The following PRR36 variants were observed in gnomAD, a reference collection of about 807,000 sequenced individuals.
PRR36 encodes proline rich 36.
In PRR36, 30 loss-of-function variants were observed where a neutral mutation model predicts 58.6. That is an observed-to-expected ratio of 0.51 (90% CI 0.38 to 0.69). PRR36 has a LOEUF of 0.69. PRR36 is among the 30% of genes least tolerant of loss of function. The pLI is 0.00. For synonymous variants in PRR36, 771 were observed against 829.3 expected, an observed-to-expected ratio of 0.93 and a Z score of 1.21; for missense variants, 1,692 against 1,805.6, an observed-to-expected ratio of 0.94 and a Z score of 1.14.
Position 7,873,328 on chromosome 19 carries a change from C to T in PRR36, c.272-29G>A, listed in dbSNP as rs1275978084. 1.3e-6 allele frequency: 2 copies of T among 1,523,914 alleles called. No individual in the cohort carries two copies. Among genetic ancestry groups the T allele is most frequent in the Non-Finnish European group, 1.8e-6 (2 of 1,139,826 alleles). The allele number at this position is 1,523,914 out of a possible 1,614,324, so 94.4% of individuals were successfully genotyped here. ...CGGGGAGAAGGCCGAGTCACAGGTG[C>T]CCCGGAGAGGTGGCAGTGGAGGTGA... On this transcript the variant is annotated intron_variant, in intron 2 of 5. Transcript: ENST00000618550. The surrounding 1 kb of genome is among the most constrained non-coding windows in gnomAD (Gnocchi z 5.0).
chr19:7,872,526 G>A lies in PRR36; in HGVS notation c.718C>T (p.Arg240Cys), dbSNP rs1172770189. 2 of 1,512,398 alleles carry A rather than the reference G, an allele frequency of 1.3e-6. No homozygotes were observed. Among genetic ancestry groups the A allele is most frequent in the South Asian group, 1.2e-5 (1 of 80,476 alleles). The allele number at this position is 1,512,398 out of a possible 1,614,324, so 93.7% of individuals were successfully genotyped here. Residue 240 changes from arginine (R) to cysteine (C), a missense_variant, in exon 5 of 6, where the codon CGC becomes TGC. Coordinates refer to ENST00000618550, the MANE Select transcript of PRR36 (RefSeq NM_001190467.2). The surrounding 1 kb of genome is among the most constrained non-coding windows in gnomAD (Gnocchi z 6.1). ...GGGGTGGCGCTGGAGCTCAGGGAGC[G>A]CGAGGCCGGCCTCTGGAGACCCCCA... ...AGGGLQRPAS[R>C]SLSSSATPLS...
In PRR36 at chr19:7,873,192, G is replaced by A. The variant is rs1453089893; in HGVS notation, c.374+5C>T. On this transcript the variant is annotated splice_donor_5th_base_variant and intron_variant, in intron 3 of 5. Coordinates refer to ENST00000618550, the MANE Select transcript of PRR36 (RefSeq NM_001190467.2). This position sits in a 1 kb window ranked among gnomAD's most constrained non-coding sequence, Gnocchi z 5.0. ...TAGGAGACTGGGGGAGAGGGAGCAG[G>A]TTACCTGGTGGTCCCGCTGGCACGC... is the stretch of plus-strand genomic sequence containing the variant. 1.3e-6 allele frequency: 2 copies of A among 1,535,610 alleles called. No homozygotes were observed. The highest frequency in any genetic ancestry group is 1.7e-6 in the Non-Finnish European group (2 of 1,146,558).
chr19:7,872,300 C>G lies in PRR36; in HGVS notation c.944G>C (p.Arg315Thr). Residue 315 changes from arginine (R) to threonine (T), a missense_variant, in exon 5 of 6, where the codon AGA becomes ACA. Coordinates refer to ENST00000618550, the MANE Select transcript of PRR36 (RefSeq NM_001190467.2). This position sits in a 1 kb window ranked among gnomAD's most constrained non-coding sequence, Gnocchi z 6.1. Reference sequence around the variant, plus strand: ...TGCATTGTCGGGAGGCGGTACGGGTCTTGCCTTGGTACCCGATGGAGAGGG... The same window carrying G: ...TGCATTGTCGGGAGGCGGTACGGGTGTTGCCTTGGTACCCGATGGAGAGGG... Reference protein sequence around the residue: ...ATPSPSGTKARPVPPPDNAAT... With the variant: ...ATPSPSGTKATPVPPPDNAAT... 2 of 1,456,480 alleles carry G rather than the reference C, an allele frequency of 1.4e-6. No homozygotes were observed. The highest frequency in any genetic ancestry group is 2.9e-5 in the South Asian group (2 of 70,142). The allele number at this position is 1,456,480 out of a possible 1,614,324, so 90.2% of individuals were successfully genotyped here.
chr19:7,870,046 G>C lies in PRR36; in HGVS notation c.3198C>G (p.Pro1066=). 1 of 1,463,396 alleles carries C rather than the reference G, an allele frequency of 6.8e-7. No individual in the cohort carries two copies. Among genetic ancestry groups the C allele is most frequent in the Non-Finnish European group, 9.0e-7 (1 of 1,114,004 alleles). The allele number at this position is 1,463,396 out of a possible 1,614,324, so 90.7% of individuals were successfully genotyped here. Residue 1066 remains proline (P), a synonymous_variant, in exon 5 of 6, where the codon CCC becomes CCG. Transcript: ENST00000618550. ...GCAGGGTGGGTGAGGCAGGGGGAGA[G>C]GGAGGGACCTGCAGAAGGGGCGCTG... ...VLAAPLLQVP[P]SPPASPTLQA... is the part of the protein sequence containing the mutation.
rs1264936678 is a variant in PRR36, at chr19:7,873,587, G to A, written c.103C>T (p.Pro35Ser). 6.5e-7 allele frequency: 1 copy of A among 1,534,248 alleles called. No homozygotes were observed. Among genetic ancestry groups the A allele is most frequent in the Non-Finnish European group, 8.7e-7 (1 of 1,146,442 alleles). Residue 35 changes from proline to serine, a missense_variant, in exon 2 of 6, where the codon CCC becomes TCC. This residue lies in a region of PRR36 where 975 missense variants were observed against 955.2 expected (regional missense o/e 1.02). Transcript: ENST00000618550. This position sits in a 1 kb window ranked among gnomAD's most constrained non-coding sequence, Gnocchi z 5.0. ...LTPRPPGSPR[P>S]PPPVTPAALR... ...GCTGCGGGAGTTACTGGGGGAGGGG[G>A]TCGAGGAGAGCCTGGGGGCCTGGGG...
In PRR36 at chr19:7,869,130, G is replaced by T. The variant is rs933631662; in HGVS notation, c.3944C>A (p.Ser1315Tyr). Residue 1315 changes from serine (S) to tyrosine (Y), a missense_variant, in exon 6 of 6, where the codon TCC becomes TAC. Around this residue, in one of 5 missense-constraint regions of PRR36, gnomAD observed 485 missense variants for 549.2 expected, o/e 0.88. Coordinates refer to ENST00000618550, the MANE Select transcript of PRR36 (RefSeq NM_001190467.2). ...WAELLSPLDE[S>Y]RASITSVTSF... is the part of the protein sequence containing the mutation. ...GGTGACCGAGGTGATGCTGGCACGG[G>T]ACTCGTCCAGGGGAGACAGTAGTTC... The T allele has an allele frequency of 2.0e-6, 3 of 1,535,404 alleles. No individual in the cohort carries two copies. Among genetic ancestry groups the T allele is most frequent in the Non-Finnish European group, 1.7e-6 (2 of 1,146,658 alleles).
chr19:7,872,510 C>A lies in PRR36; in HGVS notation c.734G>T (p.Ser245Ile). ...GGCTGGGGAGGAGAGAGGGGTGGCG[C>A]TGGAGCTCAGGGAGCGCGAGGCCGG... ...QRPASRSLSS[S>I]ATPLSSPARS... Residue 245 changes from serine to isoleucine, a missense_variant, in exon 5 of 6, where the codon AGC becomes ATC. By Grantham distance (142) the Ser-to-Ile change is moderately radical (BLOSUM62 -2). Around this residue, in one of 5 missense-constraint regions of PRR36, gnomAD observed 975 missense variants for 955.2 expected, o/e 1.02. Transcript: ENST00000618550. The surrounding 1 kb of genome is among the most constrained non-coding windows in gnomAD (Gnocchi z 6.1). 6.7e-7 allele frequency: 1 copy of A among 1,499,632 alleles called. No homozygotes were observed. Among genetic ancestry groups the A allele is most frequent in the Non-Finnish European group, 8.8e-7 (1 of 1,131,884 alleles). The allele number at this position is 1,499,632 out of a possible 1,614,324, so 92.9% of individuals were successfully genotyped here. A position where few individuals can be genotyped will look rare whatever the true frequency, so the allele number is the denominator to read the frequency against.
In PRR36 at chr19:7,870,216, C is replaced by T. The variant is rs549488032; in HGVS notation, c.3028G>A (p.Ala1010Thr). 5.6e-6 allele frequency: 8 copies of T among 1,420,518 alleles called. No homozygotes were observed. The highest frequency in any genetic ancestry group is 7.3e-6 in the Non-Finnish European group (8 of 1,094,868). The allele number at this position is 1,420,518 out of a possible 1,614,324, so 88.0% of individuals were successfully genotyped here. A position where few individuals can be genotyped will look rare whatever the true frequency, so the allele number is the denominator to read the frequency against. The change falls in exon 5 of 6, where the codon GCC becomes ACC. Residue 1010 changes from alanine (A) to threonine (T), a missense_variant. Transcript: ENST00000618550. ...GGAGGTGTGGCCAGAGCAGGTGGGG[C>T]CTGTGGAGGGGGCTTAGCCAAAGGA... ...MSPLAKPPPQ[A>T]PPALATPPLQ...
Position 7,873,048 on chromosome 19 carries a change from C to A in PRR36, c.375-87G>T, listed in dbSNP as rs1295762055. 4 of 1,356,174 alleles carry A rather than the reference C, an allele frequency of 2.9e-6. No individual in the cohort carries two copies. The African/African-American group carries it at 4.3e-5, about 15-fold the overall frequency. 84.0% of individuals were successfully genotyped at this position (1,356,174 alleles called of 1,614,324 possible). A position where few individuals can be genotyped will look rare whatever the true frequency, so the allele number is the denominator to read the frequency against. On this transcript the variant is annotated intron_variant, in intron 3 of 5. Transcript: ENST00000618550. This position sits in a 1 kb window ranked among gnomAD's most constrained non-coding sequence, Gnocchi z 5.0. ...TTCCCATCTGTGAAATGGGCATGTG[C>A]CCTCTCTGAGGACCAATAATGGCTT... is the stretch of plus-strand genomic sequence containing the variant.
chr19:7,872,163 T>C lies in PRR36; in HGVS notation c.1081A>G (p.Ser361Gly). 1 of 1,467,312 alleles carries C rather than the reference T, an allele frequency of 6.8e-7. No homozygotes were observed. Among genetic ancestry groups the C allele is most frequent in the Non-Finnish European group, 9.0e-7 (1 of 1,113,006 alleles). 90.9% of individuals were successfully genotyped at this position (1,467,312 alleles called of 1,614,324 possible). ...GGCGTGGCCAACTGACAGGTAAGGCTCGACGAGTGGGGCGTGGCCGGCAGG... is the reference window on the plus strand; with the variant it reads ...GGCGTGGCCAACTGACAGGTAAGGCCCGACGAGTGGGGCGTGGCCGGCAGG... ...PTLPATPHSS[S>G]LTCQLATPLP... The change falls in exon 5 of 6, where the codon AGC (serine) becomes GGC (glycine). Residue 361 changes from serine (S) to glycine (G), a missense_variant. This residue lies in a region of PRR36 where 975 missense variants were observed against 955.2 expected (regional missense o/e 1.02). Coordinates refer to ENST00000618550, the MANE Select transcript of PRR36 (RefSeq NM_001190467.2). This position sits in a 1 kb window ranked among gnomAD's most constrained non-coding sequence, Gnocchi z 6.1.
Position 7,872,369 on chromosome 19 carries a change from G to A in PRR36, c.875C>T (p.Ala292Val). 6.9e-7 allele frequency: 1 copy of A among 1,450,200 alleles called. No homozygotes were observed. The highest frequency in any genetic ancestry group is 9.0e-7 in the Non-Finnish European group (1 of 1,107,506). 89.8% of individuals were successfully genotyped at this position (1,450,200 alleles called of 1,614,324 possible). Residue 292 changes from alanine (A) to valine (V), a missense_variant, in exon 5 of 6, where the codon GCA (alanine) becomes GTA (valine). Ala to Val is a moderately conservative substitution (Grantham distance 64). Around this residue, in one of 5 missense-constraint regions of PRR36, gnomAD observed 975 missense variants for 955.2 expected, o/e 1.02. Transcript: ENST00000618550. The surrounding 1 kb of genome is among the most constrained non-coding windows in gnomAD (Gnocchi z 6.1). Reference protein sequence around the residue: ...PPQVTPPRKDAAPALGPLSSS... With the variant: ...PPQVTPPRKDVAPALGPLSSS... ...AGAAAGCGGTCCTAGTGCTGGGGCT[G>A]CGTCCTTCCTTGGGGGTGTGACCTG...
Position 7,870,827 on chromosome 19 carries a change from G to A in PRR36, c.2417C>T (p.Pro806Leu), listed in dbSNP as rs1980392755. The change falls in exon 5 of 6, where the codon CCC becomes CTC. Residue 806 changes from proline (P) to leucine (L), a missense_variant. By Grantham distance (98) the Pro-to-Leu change is moderately conservative (BLOSUM62 -3). Transcript: ENST00000618550. ...TGGAGGAGGCGTGGCTATGGAAGAG[G>A]GCGTCTCCGGAGGGGGCGTGGTCAA... ...SPLTTPPPETPSSIATPPPQA... is the reference protein window; with the variant it reads ...SPLTTPPPETLSSIATPPPQA... 1 of 1,446,392 alleles carries A rather than the reference G, an allele frequency of 6.9e-7. No homozygotes were observed. The allele number at this position is 1,446,392 out of a possible 1,614,324, so 89.6% of individuals were successfully genotyped here.
In PRR36 at chr19:7,869,430, G is replaced by A. The variant is rs1161947087; in HGVS notation, c.3644C>T (p.Pro1215Leu). 1.3e-6 allele frequency: 2 copies of A among 1,500,344 alleles called. No homozygotes were observed. The highest frequency in any genetic ancestry group is 2.1e-5 in the Admixed American group (1 of 47,376). 92.9% of individuals were successfully genotyped at this position (1,500,344 alleles called of 1,614,324 possible). A position where few individuals can be genotyped will look rare whatever the true frequency, so the allele number is the denominator to read the frequency against. Reference protein sequence around the residue: ...SATPAPGALDPGPSPGTSGGK... With the variant: ...SATPAPGALDLGPSPGTSGGK... ...ACCGCTCGTGCCGGGACTGGGCCCC[G>A]GATCCAGTGCGCCAGGGGCGGGGGT... The change falls in exon 6 of 6, where the codon CCG (proline) becomes CTG (leucine). Residue 1215 changes from proline (P) to leucine (L), a missense_variant. Pro to Leu is a moderately conservative substitution (Grantham distance 98). This residue lies in a region of PRR36 where 485 missense variants were observed against 549.2 expected (regional missense o/e 0.88). Transcript: ENST00000618550.
chr19:7,872,641 C>A lies in PRR36; in HGVS notation c.603G>T (p.Pro201=). 6.8e-7 allele frequency: 1 copy of A among 1,480,152 alleles called. No individual in the cohort carries two copies. The highest frequency in any genetic ancestry group is 1.3e-5 in the South Asian group (1 of 75,966). The allele number at this position is 1,480,152 out of a possible 1,614,324, so 91.7% of individuals were successfully genotyped here. Reference sequence around the variant, plus strand: ...TCACTGATTTCCGGGGGCCCTCTGTCGGGGGCCGTGGCCGGGCACTCGGAG... The same window carrying A: ...TCACTGATTTCCGGGGGCCCTCTGTAGGGGGCCGTGGCCGGGCACTCGGAG... ...RPAPSARPRP[P]TEGPRKSVSS... The change falls in exon 5 of 6, where the codon CCG becomes CCT. Residue 201 remains proline (P), a synonymous_variant. Transcript: ENST00000618550. This position sits in a 1 kb window ranked among gnomAD's most constrained non-coding sequence, Gnocchi z 6.1.
At position 7,871,126 on chromosome 19, in the gene PRR36, C is replaced by A; in HGVS notation, c.2118G>T (p.Leu706=). 6.5e-7 allele frequency: 1 copy of A among 1,534,464 alleles called. No homozygotes were observed. Among genetic ancestry groups the A allele is most frequent in the South Asian group, 1.2e-5 (1 of 83,930 alleles). ...SHSPQAPLSS[L]IMPPLETQSS... is the part of the protein sequence containing the mutation. ...ATTGGGTCTCCAGAGGGGGCATGAT[C>A]AGGGAAGAGAGAGGTGCCTGAGGAG... The change falls in exon 5 of 6, where the codon CTG becomes CTT. Residue 706 remains leucine, a synonymous_variant. Coordinates refer to ENST00000618550, the MANE Select transcript of PRR36 (RefSeq NM_001190467.2).
At position 7,870,534 on chromosome 19, in the gene PRR36, A is replaced by C. The variant is rs1980361829; in HGVS notation, c.2710T>G (p.Ser904Ala). 1 of 327,168 alleles carries C rather than the reference A, an allele frequency of 3.1e-6. No homozygotes were observed. Among genetic ancestry groups the C allele is most frequent in the Non-Finnish European group, 3.7e-6 (1 of 273,688 alleles). 20.3% of individuals were successfully genotyped at this position (327,168 alleles called of 1,614,324 possible). A position where few individuals can be genotyped will look rare whatever the true frequency, so the allele number is the denominator to read the frequency against. ...GTGGCCGAAGGAGACACTGGGGGTG[A>C]GGCAGGGGGAGAGAAAGGGGCCTGC... ...PVQAPFSPPASPPVSPSATPP... is the reference protein window; with the variant it reads ...PVQAPFSPPAAPPVSPSATPP... Residue 904 changes from serine to alanine, a missense_variant, in exon 5 of 6, where the codon TCA (serine) becomes GCA (alanine). Ser to Ala is a moderately conservative substitution (Grantham distance 99). Coordinates refer to ENST00000618550, the MANE Select transcript of PRR36 (RefSeq NM_001190467.2).
Position 7,870,394 on chromosome 19 carries a change from G to T in PRR36, c.2850C>A (p.Pro950=). 2 of 480,642 alleles carry T rather than the reference G, an allele frequency of 4.2e-6. No individual in the cohort carries two copies. The highest frequency in any genetic ancestry group is 5.3e-6 in the Non-Finnish European group (2 of 379,052). 29.8% of individuals were successfully genotyped at this position (480,642 alleles called of 1,614,324 possible). Residue 950 remains proline, a synonymous_variant, in exon 5 of 6, where the codon CCC becomes CCA. Coordinates refer to ENST00000618550, the MANE Select transcript of PRR36 (RefSeq NM_001190467.2). ...PSATPPPQAP[P]PLAAPPLQVP... ...CCTGCAGAGGAGGCGCAGCGAGAGG[G>T]GGTGGGGCCTGTGGAGGGGGCGTGG... is the stretch of plus-strand genomic sequence containing the variant.
Position 7,869,203 on chromosome 19 carries a change from C to A in PRR36, c.3871G>T (p.Gly1291Trp). The A allele has an allele frequency of 1.3e-6, 2 of 1,531,462 alleles. No homozygotes were observed. The highest frequency in any genetic ancestry group is 1.7e-6 in the Non-Finnish European group (2 of 1,145,382). The allele number at this position is 1,531,462 out of a possible 1,614,324, so 94.9% of individuals were successfully genotyped here. ...PGGAEGGGVTGGARAALSDAE... is the reference protein window; with the variant it reads ...PGGAEGGGVTWGARAALSDAE... ...TCGCTGAGTGCAGCCCGGGCGCCCC[C>A]TGTGACGCCACCACCCTCCGCACCT... The change falls in exon 6 of 6, where the codon GGG (glycine) becomes TGG (tryptophan). Residue 1291 changes from glycine to tryptophan, a missense_variant. Gly to Trp is a radical substitution (Grantham distance 184). Coordinates refer to ENST00000618550, the MANE Select transcript of PRR36 (RefSeq NM_001190467.2).
chr19:7,870,138 A>T lies in PRR36; in HGVS notation c.3106T>A (p.Ser1036Thr). The change falls in exon 5 of 6, where the codon TCA becomes ACA. Residue 1036 changes from serine to threonine, a missense_variant. Physicochemically the swap from Ser to Thr is moderately conservative, Grantham distance 58 (BLOSUM62 1). This residue lies in a region of PRR36 where 485 missense variants were observed against 549.2 expected (regional missense o/e 0.88). Transcript: ENST00000618550. ...GACATTGGGAGTGAGGCAGAGGGTG[A>T]GAAAGGGGCCTGCCCAGGGAATGAG... ...PASFPGQAPF[S>T]PSASLPMSPL... 1 of 1,423,530 alleles carries T rather than the reference A, an allele frequency of 7.0e-7. No individual in the cohort carries two copies. The highest frequency in any genetic ancestry group is 1.6e-5 in the African/African-American group (1 of 61,584). The allele number at this position is 1,423,530 out of a possible 1,614,324, so 88.2% of individuals were successfully genotyped here. A position where few individuals can be genotyped will look rare whatever the true frequency, so the allele number is the denominator to read the frequency against.
Sources: gnomAD v4.1 joint callset for allele counts on GRCh38, gnomAD v4.1.1 for gene constraint, gnomAD v4.1.1 regional missense constraint, Gnocchi (gnomAD v3.1) non-coding constraint, MANE v1.5 for transcripts, NCBI Gene and HGNC (gene_info 2026-07-23, HGNC 2026-07-21) for gene names.